DGKG: variants seen among roughly 807,000 people sequenced by gnomAD.
The protein encoded by DGKG is DAG kinase gamma.
Under a neutral mutation model 105.3 loss-of-function variants are expected in DGKG, and 78 were observed. The ratio of observed to expected loss-of-function variants is 0.74; its 90% CI spans 0.62 to 0.89. DGKG has a LOEUF of 0.89. Among genes scored for constraint, DGKG ranks in the 40% least tolerant of loss-of-function variants. DGKG has a pLI of 0.00. For synonymous variants in DGKG, 346 were observed against 367.1 expected, an observed-to-expected ratio of 0.94 and a Z score of 0.66; for missense variants, 958 against 1,020.1, an observed-to-expected ratio of 0.94 and a Z score of 0.83.
chr3:186,182,130 A>T (rs888791348), intron 22 of DGKG, among the ~76,000 whole-genome samples: 1 of 152,214 alleles, frequency 6.6e-6, no homozygotes, highest in African/African-American at 2.4e-5. Context: ...GCTCAGGTGG[A>T]ACTCCACATG....
rs142265893 is a variant in DGKG at position 186,347,739 on chromosome 3, C to T, written c.-249+14207G>A. Among the ~76,000 whole-genome samples the T allele has an allele frequency of 2.1e-3, 317 of 152,060 alleles. 2 individuals carry two copies. The Middle Eastern group carries it at 0.031, about 15-fold the overall frequency. On this transcript the variant is annotated intron_variant, in intron 1 of 24. Transcript: ENST00000265022. ...CTGGGATTATAGATGCCCACCACCA[C>T]GCTAGGCTAATTTTTGTATTTTTAG... is the stretch of plus-strand genomic sequence containing the variant.
chr3:186,272,008 T>A lies in DGKG; in HGVS notation c.999+247A>T, dbSNP rs1365953325. 2.0e-5 allele frequency among the ~76,000 whole-genome samples: 3 copies of A among 152,198 alleles called. No homozygotes were observed. In the East Asian group the frequency reaches 5.8e-4, roughly 29 times the overall value. ...CCGTCTCTCCTTCTAGACAGCATAG[T>A]TCTTGAGCAGGCTGGGGAGCGTCTC... On this transcript the variant is annotated intron_variant, in intron 11 of 24. Transcript: ENST00000265022.
intron 1 of DGKG, among the ~76,000 whole-genome samples, chr3:186,342,060 A>G (rs1330140011): frequency 6.6e-6 from 1 of 152,184 alleles, no homozygotes; most frequent in African/African-American, 2.4e-5. Flanking sequence ...AGATATACCT[A>G]ATGCTAGATG....
intron 20 of DGKG, among the ~76,000 whole-genome samples, chr3:186,216,339 C>T (rs1719292319): frequency 2.0e-5 from 3 of 152,048 alleles, no homozygotes; most frequent in Admixed American, 2.0e-4. Flanking sequence ...AAGATTGAAC[C>T]TCTGACCCAC....
chr3:186,353,656 G>GTCTATA (rs200198956), intron 1 of DGKG, among the ~76,000 whole-genome samples: 25,306 of 115,890 alleles, frequency 0.22, 2,941 homozygotes, highest in East Asian at 0.48. Context: ...CTATGTCTAT[G>GTCTATA]TCTATATCTA....
In DGKG at chr3:186,298,185, C is replaced by T. The variant is rs369138376; in HGVS notation, c.189G>A (p.Leu63=). The T allele has an allele frequency of 8.7e-5, 140 of 1,613,152 alleles. No individual in the cohort carries two copies. The highest frequency in any genetic ancestry group is 1.6e-4 in the Middle Eastern group (1 of 6,074). Residue 63 remains leucine, a synonymous_variant, in exon 4 of 25, where the codon CTG becomes CTA. Transcript: ENST00000265022. ...TCAGTGGCTGGGGAAGGTCCACCTCCAGGTACGCCCTCATGAACAGCTTGA... is the reference window on the plus strand; with the variant it reads ...TCAGTGGCTGGGGAAGGTCCACCTCTAGGTACGCCCTCATGAACAGCTTGA... The part of the protein sequence containing the change: ...DVFKLFMRAY[L]EVDLPQPLST...
intron 19 of DGKG, among the ~76,000 whole-genome samples, chr3:186,246,495 G>T (rs970817770): frequency 1.3e-5 from 2 of 152,174 alleles, no homozygotes; most frequent in Non-Finnish European, 2.9e-5. Flanking sequence ...GATAACACAG[G>T]TCTAAGTCAC....
At chr3:186,313,630 G>T in intron 2 of DGKG, 1 of 475,186 alleles carries the variant, frequency 2.1e-6, no homozygotes, top group Non-Finnish European at 2.7e-6. Flanking sequence ...ATTCTCAGCA[G>T]TACCCCAGAC....
At chr3:186,225,842 C>T (rs995786525) in intron 20 of DGKG, among the ~76,000 whole-genome samples, 15 of 152,206 alleles carry the variant, frequency 9.9e-5, no homozygotes, top group African/African-American at 2.7e-4. Flanking sequence ...CTACTTTCTT[C>T]CTCAGATCCT....
At chr3:186,273,296 G>A (rs1054784685) in intron 10 of DGKG, among the ~76,000 whole-genome samples, 1 of 151,234 alleles carries the variant, frequency 6.6e-6, no homozygotes, top group Non-Finnish European at 1.5e-5. Flanking sequence ...GAACTTAATG[G>A]GAATGAGATT....
chr3:186,264,543 C>A (rs552125107), intron 14 of DGKG, among the ~76,000 whole-genome samples: 1 of 152,220 alleles, frequency 6.6e-6, no homozygotes, highest in East Asian at 1.9e-4. Flanking sequence ...CGATGACAGG[C>A]GTGAGCCACT....
At chr3:186,340,587 T>C (rs762071588) in intron 1 of DGKG, among the ~76,000 whole-genome samples, 1 of 152,234 alleles carries the variant, frequency 6.6e-6, no homozygotes, top group Admixed American at 6.5e-5. Context: ...AAAGCCACCC[T>C]GTTGCTGATG....
intron 1 of DGKG, among the ~76,000 whole-genome samples, chr3:186,355,307 C>T (rs1235006708): frequency 8.3e-4 from 65 of 77,966 alleles, no homozygotes; most frequent in East Asian, 2.9e-3. Flanking sequence ...TTATTGTCAC[C>T]CCCCACCACC....
chr3:186,215,633 T>C (rs1719248145), intron 20 of DGKG, among the ~76,000 whole-genome samples: 1 of 151,852 alleles, frequency 6.6e-6, no homozygotes, highest in African/African-American at 2.4e-5. Context: ...GGGAAGGGCC[T>C]GGACAAGGGT....
rs777222932 is a variant in DGKG, at chr3:186,298,193, C to T, written c.181G>A (p.Ala61Thr). Residue 61 changes from alanine (A) to threonine (T), a missense_variant, in exon 4 of 25, where the codon GCG becomes ACG. Ala to Thr is a moderately conservative substitution (Grantham distance 58). Around this residue, in one of 2 missense-constraint regions of DGKG, gnomAD observed 643 missense variants for 619.5 expected, o/e 1.04. Coordinates refer to ENST00000265022, the MANE Select transcript of DGKG (RefSeq NM_001346.3). ...TGGGGAAGGTCCACCTCCAGGTACGCCCTCATGAACAGCTTGAAGACATCA... is the reference window on the plus strand; with the variant it reads ...TGGGGAAGGTCCACCTCCAGGTACGTCCTCATGAACAGCTTGAAGACATCA... ...SYDVFKLFMR[A>T]YLEVDLPQPL... 3 of 1,612,180 alleles carry T rather than the reference C, an allele frequency of 1.9e-6. No individual in the cohort carries two copies. In the South Asian group the frequency reaches 3.3e-5, roughly 18 times the overall value.
chr3:186,330,492 T>C (rs1390293835), intron 1 of DGKG, among the ~76,000 whole-genome samples: 2 of 152,156 alleles, frequency 1.3e-5, no homozygotes, highest in Non-Finnish European at 2.9e-5. Flanking sequence ...AGTGGTGCTG[T>C]GCCTGTGTCA....
At chr3:186,275,520 G>A in intron 10 of DGKG, 27 bp downstream of exon 10, 1 of 1,580,008 alleles carries the variant, frequency 6.3e-7, no homozygotes, top group Middle Eastern at 1.7e-4. Context: ...GTGCCTGGGG[G>A]AAGAGGTTTG....
At chr3:186,323,392 C>T (rs1479165592) in intron 1 of DGKG, among the ~76,000 whole-genome samples, 1 of 152,168 alleles carries the variant, frequency 6.6e-6, no homozygotes, top group South Asian at 2.1e-4. Flanking sequence ...CTCTTAATAA[C>T]ATGTCAATTC....
intron 21 of DGKG, 78 bp from the exon 22 acceptor site, chr3:186,188,457 CGTGTGT>C (rs3217178): frequency 1.4e-5 from 18 of 1,267,096 alleles, no homozygotes; most frequent in East Asian, 1.2e-4. Context: ...TGTGTGCGTG[CGTGTGT>C]GTGTGTGTAC....
Sources: allele counts gnomAD v4.1 joint callset (sites outside exome capture counted in the v4.1 genomes callset), GRCh38; gene constraint gnomAD v4.1.1; regional missense constraint gnomAD v4.1.1; transcripts MANE v1.5; gene names NCBI Gene and HGNC (gene_info 2026-07-23, HGNC 2026-07-21).